Variants in TTC39A observed in about 807,000 individuals in gnomAD.
TTC39A encodes the protein tetratricopeptide repeat domain 39A.
In TTC39A, 46 loss-of-function variants were observed where a neutral mutation model predicts 82.3. That is an observed-to-expected ratio of 0.56 (90% confidence interval 0.44 to 0.71). The LOEUF (loss-of-function observed/expected upper bound fraction) is 0.71, where lower values mean the gene tolerates loss of function less well. Among genes scored for constraint, TTC39A ranks in the 30% least tolerant of loss-of-function variants. The probability of loss-of-function intolerance (pLI) is 0.00; values close to 1 mark genes in which losing one functional copy is unlikely to be tolerated. For synonymous variants in TTC39A, 254 were observed against 275.2 expected (o/e 0.92, Z 0.76); for missense variants, 543 against 712.9 (o/e 0.76, Z 2.71).
intron 6 of TTC39A, among the ~76,000 whole-genome samples, chr1:51,307,828 C>T (rs1173503169): frequency 6.6e-6 from 1 of 150,838 alleles, no homozygotes; most frequent in South Asian, 2.1e-4. Context: ...AATTTAACAT[C>T]TTAACCAATT....
chr1:51,338,410 T>C (rs1645998894), intron 1 of TTC39A, among the ~76,000 whole-genome samples: 1 of 151,752 alleles, frequency 6.6e-6, no homozygotes, highest in Non-Finnish European at 1.5e-5. Flanking sequence ...TGGGGCACAG[T>C]CAAAGGCAGG....
chr1:51,302,240 GCC>G (rs375305601), intron 11 of TTC39A, 115 bp downstream of exon 11: 1 of 623,656 alleles, frequency 1.6e-6, no homozygotes. Context: ...TTCTCTCTTG[GCC>G]CCCCCCCCGC....
At chr1:51,291,678 A>T (rs568800716) in intron 14 of TTC39A, among the ~76,000 whole-genome samples, 16 of 149,206 alleles carry the variant, frequency 1.1e-4, no homozygotes, top group Admixed American at 3.3e-4. Flanking sequence ...TGGTGGTGCA[A>T]GCCTGGGGTC....
At chr1:51,313,842 A>G (rs1645182579) in intron 2 of TTC39A, among the ~76,000 whole-genome samples, 1 of 152,178 alleles carries the variant, frequency 6.6e-6, no homozygotes, top group Non-Finnish European at 1.5e-5. Flanking sequence ...CTAAAAAGTA[A>G]TAATAATTTT....
intron 14 of TTC39A, among the ~76,000 whole-genome samples, chr1:51,293,156 C>CGA (rs1174816638): frequency 6.6e-6 from 1 of 151,954 alleles, no homozygotes; most frequent in Non-Finnish European, 1.5e-5. Context: ...CAACCTCCAC[C>CGA]TTTCAGATTC....
intron 8 of TTC39A, among the ~76,000 whole-genome samples, chr1:51,303,861 C>T (rs1043435368): frequency 9.2e-5 from 14 of 152,240 alleles, no homozygotes; most frequent in African/African-American, 3.1e-4. Context: ...CTCCCTTCAT[C>T]CTGAAATCCT....
intron 2 of TTC39A, among the ~76,000 whole-genome samples, chr1:51,317,618 C>T (rs894774120): frequency 1.3e-5 from 2 of 152,068 alleles, no homozygotes; most frequent in African/African-American, 4.8e-5. Flanking sequence ...GGCCTGGTGG[C>T]GCGCACCTGC....
Position 51,307,734 on chromosome 1 carries a change from CAAAAAAA to C in TTC39A, c.488+1520_488+1526del, listed in dbSNP as rs1216098958. On this transcript the variant is annotated intron_variant, in intron 6 of 17. Coordinates refer to ENST00000680483, the MANE Select transcript of TTC39A (RefSeq NM_001297663.2). ...TGGGCGACAGAGCAAGACTCTGTCT[CAAAAAAA>C]AAAAAAAAAAAAAGACTTTTTTACT... is the stretch of plus-strand genomic sequence containing the variant. Among the ~76,000 whole-genome samples, 4 of 75,336 alleles carry C rather than the reference CAAAAAAA, an allele frequency of 5.3e-5. 1 individual carries two copies. The highest frequency in any genetic ancestry group is 1.1e-3 in the South Asian group (2 of 1,810). 49.4% of individuals were successfully genotyped at this position (75,336 alleles called of 152,430 possible). A position where few individuals can be genotyped will look rare whatever the true frequency, so the allele number is the denominator to read the frequency against.
intron 1 of TTC39A, among the ~76,000 whole-genome samples, chr1:51,338,750 G>A (rs956652472): frequency 1.3e-5 from 2 of 151,688 alleles, no homozygotes; most frequent in Admixed American, 6.6e-5. Context: ...TTACAGGCAC[G>A]CACCACCAAG....
intron 1 of TTC39A, among the ~76,000 whole-genome samples, chr1:51,337,134 A>G (rs186645920): frequency 3.2e-4 from 49 of 152,330 alleles, no homozygotes; most frequent in African/African-American, 1.1e-3. Context: ...AAGGCTCCGC[A>G]TGTTCCTCAG....
chr1:51,344,990 C>A lies in TTC39A; in HGVS notation c.53+1G>T, dbSNP rs1359350219. ...GCCGAGTCCCCACCCCTGCCCGGTACCTGCGGTCGCTTTTCCCGGAGGCCG... is the reference window on the plus strand; with the variant it reads ...GCCGAGTCCCCACCCCTGCCCGGTAACTGCGGTCGCTTTTCCCGGAGGCCG... On this transcript the variant is annotated splice_donor_variant, in intron 1 of 5. Coordinates refer to the TTC39A transcript ENST00000401051. LOFTEE classifies it high-confidence loss of function. The A allele has an allele frequency of 2.0e-6, 3 of 1,524,710 alleles. No individual in the cohort carries two copies. Among genetic ancestry groups the A allele is most frequent in the Admixed American group, 2.0e-5 (1 of 49,134 alleles). The allele number at this position is 1,524,710 out of a possible 1,614,324, so 94.4% of individuals were successfully genotyped here.
chr1:51,322,361 G>A, intron 1 of TTC39A: 1 of 1,244,278 alleles, frequency 8.0e-7, no homozygotes, highest in East Asian at 2.9e-5. Context: ...CTTTGCCAAT[G>A]GCTCCTCCAG....
intron 1 of TTC39A, chr1:51,342,975 C>T: frequency 2.2e-6 from 1 of 448,986 alleles, no homozygotes; most frequent in Non-Finnish European, 4.5e-6. Context: ...CTCTGCTCTC[C>T]CTGCACACTG....
chr1:51,290,027 TCTC>T lies in TTC39A; in HGVS notation c.1468_1470del (p.Glu490del). 1 of 1,613,382 alleles carries T rather than the reference TCTC, an allele frequency of 6.2e-7. No homozygotes were observed. The highest frequency in any genetic ancestry group is 8.5e-7 in the Non-Finnish European group (1 of 1,179,662). On this transcript the variant is annotated inframe_deletion, in exon 16 of 18. Coordinates refer to ENST00000680483, the MANE Select transcript of TTC39A (RefSeq NM_001297663.2). ...TACTTGGCAGAGATGCTCCTAAAAT[TCTC>T]CTCGGCCTCCTGGACACGGCCCAGG...
chr1:51,297,759 C>G (rs1644496894), intron 12 of TTC39A: 1 of 152,520 alleles, frequency 6.6e-6, no homozygotes, highest in East Asian at 1.9e-4. Context: ...TGCTCCCACT[C>G]CTGTCCCCTG....
chr1:51,331,465 G>A (rs2148314981), upstream of TTC39A: 3 of 1,374,032 alleles, frequency 2.2e-6, no homozygotes, highest in Non-Finnish European at 2.8e-6. Context: ...TCACAAAGGA[G>A]GGGACAGAAG....
chr1:51,290,098 T>A lies in TTC39A; in HGVS notation c.1400A>T (p.Asp467Val). Reference protein sequence around the residue: ...KGPENEYSVDDECLVKLLKGL... With the variant: ...KGPENEYSVDVECLVKLLKGL... ...TTTCAACAATTTCACCAAGCACTCGTCATCCACTGAGTACTCGTTCTCTGA... is the reference window on the plus strand; with the variant it reads ...TTTCAACAATTTCACCAAGCACTCGACATCCACTGAGTACTCGTTCTCTGA... The change falls in exon 16 of 18, where the codon GAC becomes GTC. Residue 467 changes from aspartate to valine, a missense_variant. Physicochemically the swap from Asp to Val is radical, Grantham distance 152. Transcript: ENST00000680483. The A allele has an allele frequency of 6.2e-7, 1 of 1,613,926 alleles. No individual in the cohort carries two copies. The highest frequency in any genetic ancestry group is 8.5e-7 in the Non-Finnish European group (1 of 1,179,858).
chr1:51,343,450 CCCT>C (rs1450585499), intron 1 of TTC39A, among the ~76,000 whole-genome samples: 2 of 152,226 alleles, frequency 1.3e-5, no homozygotes, highest in African/African-American at 4.8e-5. Flanking sequence ...CCATCACTCT[CCCT>C]CCTTTCTTCT....
chr1:51,332,147 T>G (rs1308750530), upstream of TTC39A, among the ~76,000 whole-genome samples: 1 of 152,236 alleles, frequency 6.6e-6, no homozygotes, highest in African/African-American at 2.4e-5. Context: ...AAGCTTACAA[T>G]GGGGAGGCCG....
Sources: allele counts gnomAD v4.1 joint callset (sites outside exome capture counted in the v4.1 genomes callset), GRCh38; gene constraint gnomAD v4.1.1; transcripts MANE v1.5; gene names NCBI Gene and HGNC (gene_info 2026-07-23, HGNC 2026-07-21).